FGF12: variants seen among roughly 807,000 people sequenced by gnomAD.
FGF12 encodes the protein fibroblast growth factor 12B.
A neutral mutation model predicts 23.6 loss-of-function variants in FGF12; 14 were observed. The observed-to-expected ratio is 0.59, with a 90% confidence interval of 0.39 to 0.93. The LOEUF (loss-of-function observed/expected upper bound fraction) is 0.93, where lower values mean the gene tolerates loss of function less well. FGF12 is among the 40% of genes least tolerant of loss of function. The probability of loss-of-function intolerance (pLI) is 0.00; values close to 1 mark genes in which losing one functional copy is unlikely to be tolerated. For missense variants in FGF12, 175 were observed against 217.8 expected, an observed-to-expected ratio of 0.80 and a Z score of 1.24; for synonymous variants, 62 against 77.3, an observed-to-expected ratio of 0.80 and a Z score of 1.04.
intron 5 of FGF12, among the ~76,000 whole-genome samples, chr3:192,145,781 A>G (rs916566864): frequency 6.6e-6 from 1 of 152,226 alleles, no homozygotes; most frequent in African/African-American, 2.4e-5. Context: ...AGTAGATCAT[A>G]TAATTTTCAA....
intron 2 of FGF12, among the ~76,000 whole-genome samples, chr3:192,362,423 T>C (rs1275806692): frequency 1.3e-5 from 2 of 151,894 alleles, no homozygotes; most frequent in East Asian, 3.9e-4. Context: ...GTGTGTGATG[T>C]TCTCCGCCCT....
At chr3:192,174,526 C>A (rs1309503120) in intron 4 of FGF12, among the ~76,000 whole-genome samples, 1 of 152,172 alleles carries the variant, frequency 6.6e-6, no homozygotes, top group Non-Finnish European at 1.5e-5. Flanking sequence ...GAGTTTGCTG[C>A]AGGCACTTGT....
chr3:192,642,610 T>C (rs960432438), intron 2 of FGF12, among the ~76,000 whole-genome samples: 1 of 152,330 alleles, frequency 6.6e-6, no homozygotes, highest in African/African-American at 2.4e-5. Context: ...ATTCAACAAA[T>C]AAGGTTTTCA....
At chr3:192,582,753 C>G (rs1560158709) in intron 2 of FGF12, among the ~76,000 whole-genome samples, 1 of 151,948 alleles carries the variant, frequency 6.6e-6, no homozygotes, top group Admixed American at 6.5e-5. Flanking sequence ...GGGTATGAAC[C>G]AGGATCAAGG....
intron 2 of FGF12, among the ~76,000 whole-genome samples, chr3:192,398,524 C>T (rs751745645): frequency 3.3e-5 from 5 of 152,020 alleles, no homozygotes; most frequent in South Asian, 4.2e-4. Flanking sequence ...GCTGGGATTA[C>T]AGGCATGCAC....
chr3:192,398,928 C>T (rs1171061420), intron 2 of FGF12, among the ~76,000 whole-genome samples: 2 of 152,038 alleles, frequency 1.3e-5, no homozygotes, highest in African/African-American at 2.4e-5. Flanking sequence ...ATGTCATTTC[C>T]TCATTGATTT....
intron 2 of FGF12, among the ~76,000 whole-genome samples, chr3:192,617,423 G>C (rs1176921812): frequency 6.6e-6 from 1 of 151,982 alleles, no homozygotes; most frequent in African/African-American, 2.4e-5. Context: ...AGTGATAAAG[G>C]GGGTCATAAA....
At chr3:192,243,095 C>G (rs1719705910) in intron 4 of FGF12, among the ~76,000 whole-genome samples, 1 of 151,968 alleles carries the variant, frequency 6.6e-6, no homozygotes, top group South Asian at 2.1e-4. Flanking sequence ...CAAAATACTT[C>G]TGAGGTAATC....
chr3:192,314,938 T>G (rs1384177143), intron 4 of FGF12, among the ~76,000 whole-genome samples: 2 of 152,168 alleles, frequency 1.3e-5, no homozygotes, highest in Non-Finnish European at 2.9e-5. Flanking sequence ...CCACCAATAA[T>G]TATACTAAGA....
intron 2 of FGF12, among the ~76,000 whole-genome samples, chr3:192,619,132 T>A (rs1006966815): frequency 2.6e-5 from 4 of 152,040 alleles, no homozygotes; most frequent in Non-Finnish European, 5.9e-5. Context: ...TAGTCCTGTT[T>A]TAAGTGGTTA....
chr3:192,291,121 C>T (rs908086449), intron 4 of FGF12, among the ~76,000 whole-genome samples: 1 of 152,074 alleles, frequency 6.6e-6, no homozygotes, highest in Non-Finnish European at 1.5e-5. Context: ...AAATAAATTG[C>T]TTTTCTTATT....
chr3:192,368,446 G>A (rs773111408), intron 2 of FGF12, among the ~76,000 whole-genome samples: 1 of 152,150 alleles, frequency 6.6e-6, no homozygotes, highest in African/African-American at 2.4e-5. Context: ...TGGACAGAAC[G>A]AATAGAAGAT....
intron 2 of FGF12, among the ~76,000 whole-genome samples, chr3:192,560,467 TGAAAAAAGAAA>T (rs1290214494): frequency 6.6e-6 from 1 of 151,894 alleles, no homozygotes; most frequent in Non-Finnish European, 1.5e-5. Context: ...GTACTGTTGA[TGAAAAAAGAAA>T]AAACAGTAAT....
At chr3:192,394,491 A>G (rs999576427) in intron 2 of FGF12, among the ~76,000 whole-genome samples, 6 of 152,204 alleles carry the variant, frequency 3.9e-5, no homozygotes, top group Non-Finnish European at 7.4e-5. Context: ...ATATCTTGGA[A>G]TACATACACC....
intron 4 of FGF12, among the ~76,000 whole-genome samples, chr3:192,255,952 A>C (rs1712359919): frequency 6.6e-6 from 1 of 152,066 alleles, no homozygotes; most frequent in South Asian, 2.1e-4. Context: ...CCATTAATGA[A>C]ATTTATAGTG....
chr3:192,537,861 T>G (rs74406495), intron 2 of FGF12, among the ~76,000 whole-genome samples: 291 of 151,724 alleles, frequency 1.9e-3, no homozygotes, highest in African/African-American at 6.8e-3. Context: ...ACTCAAGAAA[T>G]TTTTGCCAAG....
At chr3:192,456,543 G>T (rs1722687156) in intron 2 of FGF12, among the ~76,000 whole-genome samples, 1 of 152,134 alleles carries the variant, frequency 6.6e-6, no homozygotes, top group Admixed American at 6.5e-5. Context: ...GATCTAATTT[G>T]ATTCTTTAAG....
At chr3:192,337,131 A>G (rs1717457563) in intron 3 of FGF12, among the ~76,000 whole-genome samples, 1 of 152,162 alleles carries the variant, frequency 6.6e-6, no homozygotes. Flanking sequence ...TTGGGGAGAA[A>G]AAGCTAAGAC....
chr3:192,167,731 G>GTGTATATATATATATA (rs1461525196), intron 5 of FGF12, among the ~76,000 whole-genome samples: 12 of 25,044 alleles, frequency 4.8e-4, no homozygotes, highest in African/African-American at 2.5e-3. Context: ...TAGGTTATAG[G>GTGTATATATATATATA]TATATATATA....
Sources: allele counts gnomAD v4.1 joint callset (sites outside exome capture counted in the v4.1 genomes callset), GRCh38; gene constraint gnomAD v4.1.1; transcripts MANE v1.5; gene names NCBI Gene and HGNC (gene_info 2026-07-23, HGNC 2026-07-21).